Variants in FREM2 observed in about 807,000 individuals in gnomAD.
FREM2 encodes the protein FRAS1 related extracellular matrix 2, also known as FRAS1-related extracellular matrix protein 2.
FREM2 carries 119 observed loss-of-function variants against 219.9 expected under a neutral mutation model. That is an observed-to-expected ratio of 0.54 (90% CI 0.47 to 0.63). FREM2 has a LOEUF of 0.63. Among genes scored for constraint, FREM2 ranks in the 30% least tolerant of loss-of-function variants. The probability of loss-of-function intolerance (pLI) is 0.00; values close to 1 mark genes in which losing one functional copy is unlikely to be tolerated. For missense variants in FREM2, 4,030 were observed against 3,993.6 expected (o/e 1.01, Z -0.25); for synonymous variants, 1,562 against 1,522.8 (o/e 1.03, Z -0.60).
chr13:38,869,412 A>T (rs1878083337), intron 16 of FREM2, among the ~76,000 whole-genome samples: 5 of 152,212 alleles, frequency 3.3e-5, no homozygotes. Context: ...CATCTCATTT[A>T]TTTGTACATT....
chr13:38,849,627 C>G (rs545131106), intron 8 of FREM2, among the ~76,000 whole-genome samples: 1 of 152,230 alleles, frequency 6.6e-6, no homozygotes, highest in South Asian at 2.1e-4. Context: ...TAGGTGTCAC[C>G]TAAAAATCAC....
intron 6 of FREM2, among the ~76,000 whole-genome samples, chr13:38,836,678 T>A (rs1385638431): frequency 3.3e-5 from 5 of 152,160 alleles, no homozygotes; most frequent in Non-Finnish European, 7.3e-5. Context: ...CTTGGAAGGG[T>A]GTATGTGTCC....
At chr13:38,736,964 TC>T (rs1872023010) in intron 2 of FREM2, among the ~76,000 whole-genome samples, 1 of 152,138 alleles carries the variant, frequency 6.6e-6, no homozygotes, top group Non-Finnish European at 1.5e-5. Flanking sequence ...GCTCAAATGT[TC>T]CTACCCCCTT....
At chr13:38,801,143 AT>A (rs1874992242) in intron 6 of FREM2, among the ~76,000 whole-genome samples, 1 of 152,124 alleles carries the variant, frequency 6.6e-6, no homozygotes, top group Non-Finnish European at 1.5e-5. Context: ...TTGTGAATGT[AT>A]TTTGTATTTC....
intron 2 of FREM2, among the ~76,000 whole-genome samples, chr13:38,735,182 A>G (rs1302538432): frequency 1.3e-5 from 2 of 152,210 alleles, no homozygotes; most frequent in Admixed American, 6.5e-5. Flanking sequence ...CAGCCTCACG[A>G]CACTGTCCCT....
intron 2 of FREM2, among the ~76,000 whole-genome samples, chr13:38,723,186 G>C (rs1157215923): frequency 6.6e-6 from 1 of 152,008 alleles, no homozygotes; most frequent in Non-Finnish European, 1.5e-5. Context: ...AGTGAGCCGA[G>C]ATTGGGCCAC....
chr13:38,860,511 T>G (rs1330717559), intron 14 of FREM2, among the ~76,000 whole-genome samples: 1 of 152,244 alleles, frequency 6.6e-6, no homozygotes, highest in Non-Finnish European at 1.5e-5. Flanking sequence ...ATGTCCCACC[T>G]GTGACTACTA....
Position 38,687,811 on chromosome 13 carries a change from G to T in FREM2, c.467G>T (p.Arg156Leu), listed in dbSNP as rs759269194. The T allele has an allele frequency of 2.3e-5, 35 of 1,544,046 alleles. No homozygotes were observed. The Middle Eastern group carries it at 5.2e-4, about 23-fold the overall frequency. Residue 156 changes from arginine (R) to leucine (L), a missense_variant, in exon 1 of 24, where the codon CGC (arginine) becomes CTC (leucine). Transcript: ENST00000280481. ...CGGGACCGCGTCCGGCTGCAGCTGC[G>T]CTATGACGCGCCCGGAGGGGCAGTA... ...PSRDRVRLQL[R>L]YDAPGGAVVL...
chr13:38,739,781 A>G (rs907465849), intron 2 of FREM2, among the ~76,000 whole-genome samples: 4 of 152,170 alleles, frequency 2.6e-5, no homozygotes. Flanking sequence ...CCTTTCCAGT[A>G]TTGTTTGGTT....
chr13:38,859,282 C>T lies in FREM2; in HGVS notation c.7216-5C>T, dbSNP rs534318261. 69 of 1,613,868 alleles carry T rather than the reference C, an allele frequency of 4.3e-5. No homozygotes were observed. Among genetic ancestry groups the T allele is most frequent in the Admixed American group, 4.2e-4 (25 of 59,996 alleles). On this transcript the variant is annotated splice_region_variant and splice_polypyrimidine_tract_variant and intron_variant, in intron 13 of 23. Transcript: ENST00000280481. Reference sequence around the variant, plus strand: ...GTTCCTAACACAGTCATTTGTTTTCCGTAGGCTTGCAACCCCAAATATTCA... The same window carrying T: ...GTTCCTAACACAGTCATTTGTTTTCTGTAGGCTTGCAACCCCAAATATTCA...
At chr13:38,693,057 A>G (rs1450760315) in intron 1 of FREM2, among the ~76,000 whole-genome samples, 1 of 152,148 alleles carries the variant, frequency 6.6e-6, no homozygotes, top group African/African-American at 2.4e-5. Context: ...GTTTACATTT[A>G]TTTACTTTGT....
At chr13:38,868,922 G>C (rs574154574) in intron 16 of FREM2, among the ~76,000 whole-genome samples, 5 of 152,274 alleles carry the variant, frequency 3.3e-5, no homozygotes, top group Admixed American at 3.3e-4. Context: ...CAGAGGCTTC[G>C]TGGTTTTATT....
At chr13:38,870,362 A>T (rs1295300778) in intron 16 of FREM2, among the ~76,000 whole-genome samples, 2 of 152,228 alleles carry the variant, frequency 1.3e-5, no homozygotes, top group Admixed American at 6.5e-5. Flanking sequence ...TATGGAATTT[A>T]AAGTATTGCT....
At chr13:38,862,793 T>C (rs1189824303) in intron 15 of FREM2, among the ~76,000 whole-genome samples, 2 of 151,472 alleles carry the variant, frequency 1.3e-5, no homozygotes, top group Non-Finnish European at 2.9e-5. Flanking sequence ...TTTTTAAATG[T>C]TTGGGGAAAA....
At chr13:38,738,464 G>T (rs1468860799) in intron 2 of FREM2, among the ~76,000 whole-genome samples, 2 of 151,118 alleles carry the variant, frequency 1.3e-5, no homozygotes, top group Non-Finnish European at 2.9e-5. Flanking sequence ...TACTTGGGAG[G>T]CTGAGGCAGG....
rs867717998 is a variant in FREM2, at chr13:38,751,950, G to C, written c.5264-12354G>C. Among the ~76,000 whole-genome samples, 10 of 151,980 alleles carry C rather than the reference G, an allele frequency of 6.6e-5. No homozygotes were observed. In the South Asian group the frequency reaches 1.7e-3, roughly 25 times the overall value. ...ATGAACAGCTTTTATATTAATCTGA[G>C]ATAGTGAAATTAATGAGAAGGGCTG... On this transcript the variant is annotated intron_variant, in intron 2 of 23. Transcript: ENST00000280481.
At chr13:38,764,181 T>C in intron 2 of FREM2, 123 bp from the exon 3 acceptor site, 1 of 715,660 alleles carries the variant, frequency 1.4e-6, no homozygotes, top group Non-Finnish European at 2.5e-6. Flanking sequence ...ATTCCAGAGT[T>C]GTGTATCAAA....
intron 6 of FREM2, 26 bp downstream of exon 6, chr13:38,784,834 C>A (rs774322058): frequency 9.3e-6 from 15 of 1,612,314 alleles, no homozygotes; most frequent in Non-Finnish European, 1.2e-5. Context: ...CTTGAAAATT[C>A]TTTTTCCCGG....
At position 38,688,014 on chromosome 13, in the gene FREM2, T is replaced by G. The variant is rs754014795; in HGVS notation, c.670T>G (p.Leu224Val). Residue 224 changes from leucine (L) to valine (V), a missense_variant, in exon 1 of 24, where the codon TTG (leucine) becomes GTG (valine). By Grantham distance (32) the Leu-to-Val change is conservative. This residue lies in a region of FREM2 where 3,102 missense variants were observed against 2,950.7 expected (regional missense o/e 1.05). Transcript: ENST00000280481. ...GTGCCGCGTGGGCATCCTGTCCGGC[T>G]TGGGCGCGCTGCCTCGCTATGGAGA... ...EECRVGILSGLGALPRYGELL... is the reference protein window; with the variant it reads ...EECRVGILSGVGALPRYGELL... 4 of 1,611,652 alleles carry G rather than the reference T, an allele frequency of 2.5e-6. No homozygotes were observed. The African/African-American group carries it at 4.0e-5, about 16-fold the overall frequency.
Sources: allele counts gnomAD v4.1 joint callset (sites outside exome capture counted in the v4.1 genomes callset), GRCh38; gene constraint gnomAD v4.1.1; regional missense constraint gnomAD v4.1.1; transcripts MANE v1.5; gene names NCBI Gene and HGNC (gene_info 2026-07-23, HGNC 2026-07-21).